Variants in PDE5A observed in about 807,000 individuals in gnomAD.
The protein encoded by PDE5A is cGMP-specific 3',5'-cyclic phosphodiesterase.
A neutral mutation model predicts 110.2 loss-of-function variants in PDE5A; 67 were observed. The observed-to-expected ratio is 0.61, with a 90% CI of 0.50 to 0.75. The LOEUF (loss-of-function observed/expected upper bound fraction) is 0.75. Ranked by LOEUF, PDE5A falls within the 30% of genes least tolerant of loss-of-function variation. The pLI, the probability that PDE5A is intolerant of heterozygous loss-of-function variation, is 0.00. For missense variants in PDE5A, 862 were observed against 1,045.1 expected (o/e 0.82, Z 2.42); for synonymous variants, 328 against 351.2 (o/e 0.93, Z 0.74).
In PDE5A at chr4:119,606,883, A is replaced by C. The variant is rs754770482; in HGVS notation, c.567T>G (p.Leu189=). 1 of 1,614,272 alleles carries C rather than the reference A, an allele frequency of 6.2e-7. No homozygotes were observed. Among genetic ancestry groups the C allele is most frequent in the East Asian group, 2.2e-5 (1 of 44,888 alleles). ...LISADRYSLF[L]VCEDSSNDKF... is the part of the protein sequence containing the mutation. ...TGTCATTGGAGCTGTCTTCACAGAC[A>C]AGGAACAGGGAATAGCGGTCAGCAG... is the stretch of plus-strand genomic sequence containing the variant. The change falls in exon 2 of 21, where the codon CTT becomes CTG. Residue 189 remains leucine, a synonymous_variant. Coordinates refer to ENST00000354960, the MANE Select transcript of PDE5A (RefSeq NM_001083.4).
At chr4:119,506,880 A>G (rs912484990) in intron 16 of PDE5A, among the ~76,000 whole-genome samples, 6 of 151,892 alleles carry the variant, frequency 4.0e-5, no homozygotes, top group Admixed American at 2.0e-4. Flanking sequence ...TCCTAAGAGT[A>G]ACTACAACCA....
chr4:119,509,960 G>T (rs1372138534), intron 15 of PDE5A, among the ~76,000 whole-genome samples: 1 of 151,944 alleles, frequency 6.6e-6, no homozygotes, highest in African/African-American at 2.4e-5. Flanking sequence ...ACTCATATCA[G>T]TACCAGTCTG....
intron 18 of PDE5A, among the ~76,000 whole-genome samples, chr4:119,503,337 G>A (rs1287429319): frequency 6.6e-6 from 1 of 152,090 alleles, no homozygotes. Context: ...CTTTTTCTGA[G>A]CCTGTATTGC....
chr4:119,582,605 T>A (rs1402642856), intron 3 of PDE5A, among the ~76,000 whole-genome samples: 1 of 152,204 alleles, frequency 6.6e-6, no homozygotes, highest in Non-Finnish European at 1.5e-5. Context: ...ACCAGAGGAA[T>A]CTCTATTTAT....
At position 119,495,432 on chromosome 4, in the gene PDE5A, A is replaced by G. The variant is rs200619289; in HGVS notation, c.*3169T>C. ...GACATTTTGTATCCTCTCATATTAA[A>G]TCAATCTTGTAAACAAAAGACAATT... On this transcript the variant is annotated 3_prime_UTR_variant, in exon 21 of 21. Transcript: ENST00000354960. The G allele has an allele frequency of 6.6e-6, 1 of 152,424 alleles. No homozygotes were observed. Among genetic ancestry groups the G allele is most frequent in the Admixed American group, 6.6e-5 (1 of 15,264 alleles). 9.4% of individuals were successfully genotyped at this position (152,424 alleles called of 1,614,324 possible).
At chr4:119,565,838 A>G (rs1727910618) in intron 4 of PDE5A, among the ~76,000 whole-genome samples, 1 of 151,770 alleles carries the variant, frequency 6.6e-6, no homozygotes, top group Admixed American at 6.6e-5. Flanking sequence ...TAAATATTAT[A>G]TAAAGTTGCA....
At chr4:119,616,702 T>C (rs1729954934) in intron 1 of PDE5A, among the ~76,000 whole-genome samples, 1 of 150,922 alleles carries the variant, frequency 6.6e-6, no homozygotes, top group African/African-American at 2.4e-5. Flanking sequence ...TTTGTGTCTT[T>C]AGTAATACAA....
intron 1 of PDE5A, among the ~76,000 whole-genome samples, chr4:119,616,977 T>C (rs897318718): frequency 6.6e-6 from 1 of 152,192 alleles, no homozygotes; most frequent in African/African-American, 2.4e-5. Flanking sequence ...GCCAAGTTAG[T>C]ATTGTAATAC....
At chr4:119,611,472 T>A (rs57960799) in intron 1 of PDE5A, among the ~76,000 whole-genome samples, 20,563 of 152,218 alleles carry the variant, frequency 0.14, 1,472 homozygotes, top group Non-Finnish European at 0.15. Flanking sequence ...AAAATCAACG[T>A]TGTGTTTTAG....
intron 10 of PDE5A, among the ~76,000 whole-genome samples, chr4:119,541,496 C>G (rs970652087): frequency 6.6e-6 from 1 of 151,770 alleles, no homozygotes; most frequent in Admixed American, 6.6e-5. Flanking sequence ...TATTCAAAGT[C>G]TTTTATATAA....
In PDE5A at chr4:119,505,593, T is replaced by C. The variant is rs188994490; in HGVS notation, c.2267+262A>G. ...TAGGAAAATGAATAAGGGAAACCTA[T>C]AGCCATATATTGATACTCTACCACA... On this transcript the variant is annotated intron_variant, in intron 17 of 20. Coordinates refer to ENST00000354960, the MANE Select transcript of PDE5A (RefSeq NM_001083.4). Among the ~76,000 whole-genome samples the C allele has an allele frequency of 8.7e-3, 1,317 of 152,040 alleles. 5 individuals are homozygous for C. Among genetic ancestry groups the C allele is most frequent in the Non-Finnish European group, 0.013 (897 of 67,878 alleles).
At chr4:119,548,296 C>T (rs563306971) in intron 9 of PDE5A, 1 of 152,250 alleles carries the variant, frequency 6.6e-6, no homozygotes, top group South Asian at 2.1e-4. Flanking sequence ...GATCCGCCCG[C>T]CTCGGCCTCC....
At chr4:119,573,574 G>A (rs1728214311) in intron 3 of PDE5A, among the ~76,000 whole-genome samples, 1 of 152,124 alleles carries the variant, frequency 6.6e-6, no homozygotes, top group African/African-American at 2.4e-5. Context: ...ATCAAAGTTA[G>A]ATATTTCTTT....
rs1725115869 is a variant in PDE5A, at chr4:119,497,448, G to GTGTT, written c.*1149_*1152dup. On this transcript the variant is annotated 3_prime_UTR_variant, in exon 21 of 21. Coordinates refer to ENST00000354960, the MANE Select transcript of PDE5A (RefSeq NM_001083.4). Reference sequence around the variant, plus strand: ...TACATTGAATGTGAGTTAAGGGCCAGTGTTTAGCATTCACATCCAGGATTC... The same window carrying GTGTT: ...TACATTGAATGTGAGTTAAGGGCCAGTGTTTGTTTAGCATTCACATCCAGGATTC... 1 of 152,222 alleles carries GTGTT rather than the reference G, an allele frequency of 6.6e-6. No homozygotes were observed. The highest frequency in any genetic ancestry group is 2.1e-4 in the South Asian group (1 of 4,832). 9.4% of individuals were successfully genotyped at this position (152,222 alleles called of 1,614,324 possible).
intron 11 of PDE5A, among the ~76,000 whole-genome samples, chr4:119,535,861 A>C (rs1465553052): frequency 1.3e-5 from 2 of 152,196 alleles, no homozygotes; most frequent in Admixed American, 1.3e-4. Context: ...AAATTAAGAA[A>C]ATATTTGATA....
At chr4:119,506,502 T>G (rs1361373697) in intron 16 of PDE5A, among the ~76,000 whole-genome samples, 2 of 151,824 alleles carry the variant, frequency 1.3e-5, no homozygotes, top group Non-Finnish European at 2.9e-5. Context: ...AAAATTTTTC[T>G]TTTCGCAGTG....
At chr4:119,564,758 C>A (rs1396410907) in intron 5 of PDE5A, among the ~76,000 whole-genome samples, 1 of 152,094 alleles carries the variant, frequency 6.6e-6, no homozygotes, top group Non-Finnish European at 1.5e-5. Flanking sequence ...TAAATAGTTT[C>A]TTTAGAATTG....
rs1726285217 is a variant in PDE5A, at chr4:119,525,589, G to C, written c.1739C>G (p.Thr580Ser). ...GAAGTTCTGCACAAGGTTGAGGTCAGTAAACATCCGAATTGTACACAGTGC... is the reference window on the plus strand; with the variant it reads ...GAAGTTCTGCACAAGGTTGAGGTCACTAAACATCCGAATTGTACACAGTGC... ...ETALCTIRMFTDLNLVQNFQM... is the reference protein window; with the variant it reads ...ETALCTIRMFSDLNLVQNFQM... The change falls in exon 12 of 21, where the codon ACT becomes AGT. Residue 580 changes from threonine (T) to serine (S), a missense_variant. By Grantham distance (58) the Thr-to-Ser change is moderately conservative. Coordinates refer to ENST00000354960, the MANE Select transcript of PDE5A (RefSeq NM_001083.4). The surrounding 1 kb of genome is among the most constrained non-coding windows in gnomAD (Gnocchi z 4.3). 1.2e-6 allele frequency: 2 copies of C among 1,613,090 alleles called. No homozygotes were observed. The highest frequency in any genetic ancestry group is 1.7e-6 in the Non-Finnish European group (2 of 1,179,500).
chr4:119,502,938 T>TAA (rs1725414846), intron 18 of PDE5A, among the ~76,000 whole-genome samples: 1 of 152,008 alleles, frequency 6.6e-6, no homozygotes. Context: ...TTTCTCCCCA[T>TAA]AAAACAGTAT....
Sources: gnomAD v4.1 joint callset for allele counts (sites outside exome capture counted in the v4.1 genomes callset) on GRCh38, gnomAD v4.1.1 for gene constraint, Gnocchi (gnomAD v3.1) non-coding constraint, MANE v1.5 for transcripts, NCBI Gene and HGNC (gene_info 2026-07-23, HGNC 2026-07-21) for gene names.